The following PPIL6 variants were observed in gnomAD, a reference collection of about 807,000 sequenced individuals.
The protein encoded by PPIL6 is peptidylprolyl isomerase like 6.
PPIL6 carries 39 observed loss-of-function variants against 36.8 expected under a neutral mutation model. The ratio of observed to expected loss-of-function variants is 1.06; its 90% CI spans 0.82 to 1.38. The LOEUF (loss-of-function observed/expected upper bound fraction) is 1.38, where lower values mean the gene tolerates loss of function less well. PPIL6 is among the 40% of genes most tolerant of loss of function. The pLI is 0.00. For synonymous variants in PPIL6, 123 were observed against 134.1 expected, an observed-to-expected ratio of 0.92 and a Z score of 0.57; for missense variants, 368 against 379.1, an observed-to-expected ratio of 0.97 and a Z score of 0.24.
At chr6:109,423,480 T>G (rs1773657822) in intron 5 of PPIL6, among the ~76,000 whole-genome samples, 1 of 152,110 alleles carries the variant, frequency 6.6e-6, no homozygotes, top group Non-Finnish European at 1.5e-5. Flanking sequence ...TGAAATGAAA[T>G]GTATTTTTAA....
chr6:109,407,052 A>G (rs1772825544), intron 6 of PPIL6, among the ~76,000 whole-genome samples: 1 of 152,192 alleles, frequency 6.6e-6, no homozygotes, highest in African/African-American at 2.4e-5. Flanking sequence ...GGCATCTGCC[A>G]TTTCTCCCAG....
intron 6 of PPIL6, chr6:109,405,019 A>C: frequency 2.7e-6 from 1 of 373,594 alleles, no homozygotes; most frequent in East Asian, 1.0e-4. Flanking sequence ...ACGCCATTGC[A>C]CTCCAGCATG....
At chr6:109,435,162 C>T (rs1230781830) in intron 2 of PPIL6, among the ~76,000 whole-genome samples, 1 of 152,136 alleles carries the variant, frequency 6.6e-6, no homozygotes, top group African/African-American at 2.4e-5. Context: ...TTAACCAGCT[C>T]GGTGCCAGGG....
intron 6 of PPIL6, among the ~76,000 whole-genome samples, chr6:109,414,804 A>T (rs1242522795): frequency 1.3e-5 from 2 of 152,172 alleles, no homozygotes; most frequent in African/African-American, 4.8e-5. Flanking sequence ...TCAAAAATCC[A>T]CATATAACTT....
At chr6:109,424,483 C>T (rs1007370298) in intron 5 of PPIL6, among the ~76,000 whole-genome samples, 3 of 152,198 alleles carry the variant, frequency 2.0e-5, no homozygotes, top group African/African-American at 7.2e-5. Context: ...CACAAAACCA[C>T]GTTTAGCTCC....
intron 6 of PPIL6, among the ~76,000 whole-genome samples, chr6:109,417,751 C>T (rs1382999431): frequency 4.6e-5 from 7 of 152,170 alleles, no homozygotes; most frequent in Admixed American, 6.5e-5. Context: ...AAGGCCATTG[C>T]GACCTTATGC....
intron 5 of PPIL6, among the ~76,000 whole-genome samples, chr6:109,425,719 C>T (rs1158787797): frequency 7.1e-6 from 1 of 140,254 alleles, no homozygotes; most frequent in Non-Finnish European, 1.5e-5. Context: ...CACTGCACTA[C>T]AGCCTGGGCG....
intron 6 of PPIL6, among the ~76,000 whole-genome samples, chr6:109,414,466 A>T (rs1243697554): frequency 3.1e-5 from 4 of 129,074 alleles, no homozygotes; most frequent in African/African-American, 5.7e-5. Flanking sequence ...CATTTTCTTA[A>T]TGTCTTTTAG....
Position 109,399,930 on chromosome 6 carries a change from C to A in PPIL6, c.824+105G>T, listed in dbSNP as rs987634004. ...TTTGTATTATTTTTGCATTTAAGCC[C>A]TATTTTTAGCTACCTATACACTATA... On this transcript the variant is annotated intron_variant, in intron 7 of 7. Coordinates refer to ENST00000521072, the MANE Select transcript of PPIL6 (RefSeq NM_173672.5). 10 of 809,676 alleles carry A rather than the reference C, an allele frequency of 1.2e-5. No individual in the cohort carries two copies. The African/African-American group carries it at 1.8e-4, about 14-fold the overall frequency. The allele number at this position is 809,676 out of a possible 1,614,324, so 50.2% of individuals were successfully genotyped here.
rs753624037 is a variant in PPIL6 at position 109,431,119 on chromosome 6, G to C, written c.420+38C>G. On this transcript the variant is annotated intron_variant, in intron 3 of 7. Transcript: ENST00000521072. ...TGCTGAATCAATATAAAGGGTCAAA[G>C]ATTCCACAATTTTTCTTTAAAAGTT... The C allele has an allele frequency of 2.1e-6, 3 of 1,446,114 alleles. No individual in the cohort carries two copies. In the East Asian group the frequency reaches 6.9e-5, roughly 33 times the overall value. The allele number at this position is 1,446,114 out of a possible 1,614,324, so 89.6% of individuals were successfully genotyped here. A position where few individuals can be genotyped will look rare whatever the true frequency, so the allele number is the denominator to read the frequency against.
chr6:109,414,076 A>T (rs552915653), intron 6 of PPIL6, among the ~76,000 whole-genome samples: 65 of 152,340 alleles, frequency 4.3e-4, no homozygotes, highest in African/African-American at 1.5e-3. Flanking sequence ...ACTATAGTCA[A>T]TAATAATTGT....
intron 5 of PPIL6, among the ~76,000 whole-genome samples, chr6:109,425,037 C>T (rs1299068725): frequency 6.6e-6 from 1 of 152,220 alleles, no homozygotes; most frequent in Non-Finnish European, 1.5e-5. Flanking sequence ...CAAGAACCCT[C>T]TCTTGGGGTC....
At chr6:109,418,570 C>T (rs369887905) in intron 6 of PPIL6, among the ~76,000 whole-genome samples, 117 of 147,678 alleles carry the variant, frequency 7.9e-4, no homozygotes, top group African/African-American at 2.8e-3. Flanking sequence ...TTTTTGAGAC[C>T]GAGTCTCACT....
At chr6:109,441,162 T>C (rs1397125655), upstream of PPIL6, 1 of 1,614,094 alleles carries the variant, frequency 6.2e-7, no homozygotes. Flanking sequence ...ATCTTCAACC[T>C]CAACTGCTGG....
intron 7 of PPIL6, 78 bp from the exon 8 acceptor site, chr6:109,393,015 T>C (rs1582512522): frequency 1.3e-6 from 1 of 758,908 alleles, no homozygotes; most frequent in African/African-American, 1.7e-5. Flanking sequence ...AATGGGGTCC[T>C]ACCCAGCTAT....
At chr6:109,422,111 C>T (rs1186416092) in intron 5 of PPIL6, among the ~76,000 whole-genome samples, 1 of 152,036 alleles carries the variant, frequency 6.6e-6, no homozygotes, top group Non-Finnish European at 1.5e-5. Flanking sequence ...CTCCTGACCT[C>T]GTGATCCACC....
chr6:109,436,165 T>A lies in PPIL6; in HGVS notation c.170A>T (p.Asp57Val). The change falls in exon 2 of 8, where the codon GAT becomes GTT. Residue 57 changes from aspartate (D) to valine (V), a missense_variant. Coordinates refer to ENST00000521072, the MANE Select transcript of PPIL6 (RefSeq NM_173672.5). ...TTCTTGAAGAGGAACTAATATAGGA[T>A]CTTCAAATTTGGATGGATGATTATT... ...LKNNHPSKFE[D>V]PILVPLQEFA... 5.1e-6 allele frequency: 8 copies of A among 1,579,914 alleles called. No individual in the cohort carries two copies. The highest frequency in any genetic ancestry group is 7.0e-6 in the Non-Finnish European group (8 of 1,149,328).
intron 6 of PPIL6, among the ~76,000 whole-genome samples, chr6:109,412,155 T>C (rs1031302340): frequency 2.6e-5 from 4 of 152,188 alleles, no homozygotes; most frequent in Admixed American, 6.5e-5. Context: ...GATCCAAAAG[T>C]TACTATCCCT....
intron 2 of PPIL6, among the ~76,000 whole-genome samples, chr6:109,434,891 T>C (rs1331827267): frequency 6.6e-6 from 1 of 152,168 alleles, no homozygotes; most frequent in East Asian, 1.9e-4. Flanking sequence ...CACTACCAAC[T>C]GAACAGGTTG....
Sources: allele counts gnomAD v4.1 joint callset (sites outside exome capture counted in the v4.1 genomes callset), GRCh38; gene constraint gnomAD v4.1.1; transcripts MANE v1.5; gene names NCBI Gene and HGNC (gene_info 2026-07-23, HGNC 2026-07-21).